The following RABGAP1L variants were observed in gnomAD, a reference collection of about 807,000 sequenced individuals.
The protein encoded by RABGAP1L is rab GTPase-activating protein 1-like.
Under a neutral mutation model 137.7 loss-of-function variants are expected in RABGAP1L, and 63 were observed. The observed-to-expected ratio is 0.46, with a 90% CI of 0.37 to 0.56. The LOEUF (loss-of-function observed/expected upper bound fraction) is 0.56, where lower values mean the gene tolerates loss of function less well. Among genes scored for constraint, RABGAP1L ranks in the 20% least tolerant of loss-of-function variants. RABGAP1L has a pLI of 0.00. For missense variants in RABGAP1L, 1,095 were observed against 1,244.0 expected (o/e 0.88, Z 1.80); for synonymous variants, 431 against 433.7 (o/e 0.99, Z 0.08).
In RABGAP1L at chr1:174,318,632, CTTT is replaced by C. The variant is rs777447584; in HGVS notation, c.1465+13508_1465+13510del. 6.5e-3 allele frequency among the ~76,000 whole-genome samples: 565 copies of C among 86,570 alleles called. 3 individuals are homozygous for C. The highest frequency in any genetic ancestry group is 0.023 in the African/African-American group (541 of 23,096). 56.8% of individuals were successfully genotyped at this position (86,570 alleles called of 152,430 possible). ...TCTTTCTTTCTTTCTTTCTTTCTTT[CTTT>C]TTCTTTCTTTTTTGTAGACTTTTTG... On this transcript the variant is annotated intron_variant, in intron 11 of 25. Coordinates refer to ENST00000681986, the MANE Select transcript of RABGAP1L (RefSeq NM_001366446.1).
chr1:174,377,759 C>CTCTCT (rs370030450), intron 12 of RABGAP1L, among the ~76,000 whole-genome samples: 13,199 of 141,782 alleles, frequency 0.093, 786 homozygotes, highest in East Asian at 0.22. Context: ...AACTGCAACT[C>CTCTCT]TTTTTTTTTT....
chr1:174,930,619 C>T (rs552878793), intron 19 of RABGAP1L, among the ~76,000 whole-genome samples: 5 of 152,112 alleles, frequency 3.3e-5, no homozygotes, highest in Admixed American at 6.5e-5. Context: ...GCCCAGCATA[C>T]GAACCCATTT....
intron 19 of RABGAP1L, among the ~76,000 whole-genome samples, chr1:174,912,394 T>TG (rs1660192557): frequency 6.6e-6 from 1 of 152,194 alleles, no homozygotes; most frequent in African/African-American, 2.4e-5. Context: ...CCTCTCACCT[T>TG]GGCCTCCTAA....
chr1:174,671,363 T>C (rs1391871794), intron 14 of RABGAP1L, among the ~76,000 whole-genome samples: 1 of 152,220 alleles, frequency 6.6e-6, no homozygotes, highest in African/African-American at 2.4e-5. Flanking sequence ...CTTCCAGTAC[T>C]GTGTTGAATA....
At chr1:174,733,718 T>C (rs933789464) in intron 17 of RABGAP1L, among the ~76,000 whole-genome samples, 3 of 152,162 alleles carry the variant, frequency 2.0e-5, no homozygotes, top group Non-Finnish European at 4.4e-5. Flanking sequence ...ACATAATATC[T>C]AAGTGGGGAA....
chr1:174,389,476 C>G (rs755873613), intron 12 of RABGAP1L, among the ~76,000 whole-genome samples: 1 of 151,982 alleles, frequency 6.6e-6, no homozygotes, highest in Non-Finnish European at 1.5e-5. Flanking sequence ...ATAACTCTTT[C>G]CCTTTGAAAT....
intron 14 of RABGAP1L, among the ~76,000 whole-genome samples, chr1:174,651,623 T>A (rs865883804): frequency 6.6e-6 from 1 of 152,158 alleles, no homozygotes; most frequent in African/African-American, 2.4e-5. Context: ...CTTTGTTGGT[T>A]TAAAGTCTGT....
At position 174,969,286 on chromosome 1, in the gene RABGAP1L, C is replaced by T; in HGVS notation, c.2443C>T (p.Arg815Ter). The part of the protein sequence containing the change: ...DPMDRYKREN[R>*]RLQEASMRLE... ...TATTGTTCTTCTGCAGAGGGAGAAC[C>T]GAAGATTACAGGAGGCCAGCATGAG... The change falls in exon 21 of 26, where the codon CGA becomes TGA. Residue 815 changes from arginine to a stop codon, truncating the protein, a stop_gained. Transcript: ENST00000681986. LOFTEE classifies it high-confidence loss of function. The T allele has an allele frequency of 6.4e-7, 1 of 1,550,596 alleles. No homozygotes were observed. The highest frequency in any genetic ancestry group is 8.7e-7 in the Non-Finnish European group (1 of 1,146,822).
intron 3 of RABGAP1L, among the ~76,000 whole-genome samples, chr1:174,228,123 G>C (rs1255140781): frequency 2.6e-5 from 4 of 151,664 alleles, no homozygotes; most frequent in Non-Finnish European, 5.9e-5. Flanking sequence ...TATTTTGTTA[G>C]ATGTTTATCT....
intron 13 of RABGAP1L, among the ~76,000 whole-genome samples, chr1:174,598,683 T>A (rs1265712042): frequency 2.0e-5 from 3 of 152,222 alleles, no homozygotes; most frequent in African/African-American, 7.2e-5. Flanking sequence ...TCATAGTTTT[T>A]AATATTGAAT....
chr1:174,581,024 G>A (rs1261946912), intron 13 of RABGAP1L, among the ~76,000 whole-genome samples: 1 of 152,182 alleles, frequency 6.6e-6, no homozygotes, highest in Admixed American at 6.5e-5. Flanking sequence ...AAAAAGTCGA[G>A]TGTTGGCAAG....
At chr1:174,647,655 G>A (rs1258713418) in intron 14 of RABGAP1L, among the ~76,000 whole-genome samples, 1 of 152,020 alleles carries the variant, frequency 6.6e-6, no homozygotes, top group Admixed American at 6.6e-5. Context: ...CGGGGGTATT[G>A]GCCTGAAATT....
At chr1:174,547,890 T>G (rs1666148138) in intron 13 of RABGAP1L, 2 of 1,548,266 alleles carry the variant, frequency 1.3e-6, no homozygotes, top group Non-Finnish European at 8.7e-7. Flanking sequence ...TAGTTAAATA[T>G]GAAGGGTCTA....
At position 174,467,104 on chromosome 1, in the gene RABGAP1L, A is replaced by G. The variant is rs550949904; in HGVS notation, c.1710+72959A>G. 1.3e-3 allele frequency among the ~76,000 whole-genome samples: 191 copies of G among 152,340 alleles called. 1 individual carries two copies. Among genetic ancestry groups the G allele is most frequent in the Non-Finnish European group, 2.0e-3 (137 of 68,032 alleles). On this transcript the variant is annotated intron_variant, in intron 13 of 25. Coordinates refer to ENST00000681986, the MANE Select transcript of RABGAP1L (RefSeq NM_001366446.1). ...CTTTCCAGATCTAAAAACCCTTTAA[A>G]TGCATGTGCACACACACAAATATAT...
chr1:174,298,113 A>G (rs945468729), intron 10 of RABGAP1L, among the ~76,000 whole-genome samples: 2 of 152,230 alleles, frequency 1.3e-5, no homozygotes, highest in Non-Finnish European at 2.9e-5. Context: ...AAAGGGGAAC[A>G]GACTGAAGAT....
intron 3 of RABGAP1L, among the ~76,000 whole-genome samples, chr1:174,223,053 A>C (rs539751890): frequency 6.6e-6 from 1 of 151,946 alleles, no homozygotes; most frequent in East Asian, 1.9e-4. Context: ...GCAGGTCACG[A>C]GATCAGGAGT....
chr1:174,317,342 G>A (rs1679476145), intron 11 of RABGAP1L, among the ~76,000 whole-genome samples: 2 of 152,040 alleles, frequency 1.3e-5, no homozygotes. Flanking sequence ...CATGTCCAAG[G>A]CTCTTCAGAT....
At chr1:174,837,366 G>A (rs1281252996) in intron 19 of RABGAP1L, among the ~76,000 whole-genome samples, 1 of 152,176 alleles carries the variant, frequency 6.6e-6, no homozygotes, top group Non-Finnish European at 1.5e-5. Context: ...GATGTTTATT[G>A]TGTAAGGATC....
At chr1:174,972,191 C>T (rs188326345) in intron 21 of RABGAP1L, among the ~76,000 whole-genome samples, 2 of 152,352 alleles carry the variant, frequency 1.3e-5, no homozygotes, top group East Asian at 1.9e-4. Flanking sequence ...AGAGAAGAGA[C>T]ATGATTAGTA....
Sources: allele counts gnomAD v4.1 joint callset (sites outside exome capture counted in the v4.1 genomes callset), GRCh38; gene constraint gnomAD v4.1.1; transcripts MANE v1.5; gene names NCBI Gene and HGNC (gene_info 2026-07-23, HGNC 2026-07-21).